The following RAB22A variants were observed in gnomAD, a reference collection of about 807,000 sequenced individuals.
RAB22A encodes ras-related protein Rab-22A.
A neutral mutation model predicts 30.2 loss-of-function variants in RAB22A; 13 were observed. The observed-to-expected ratio is 0.43, with a 90% CI of 0.28 to 0.68. The LOEUF is 0.68. Among genes scored for constraint, RAB22A ranks in the 30% least tolerant of loss-of-function variants. RAB22A has a pLI of 0.18. For missense variants in RAB22A, 177 were observed against 246.8 expected (o/e 0.72, Z 1.89); for synonymous variants, 89 against 87.2 (o/e 1.02, Z -0.11).
At chr20:58,332,559 A>C (rs973115831) in intron 2 of RAB22A, among the ~76,000 whole-genome samples, 2 of 152,218 alleles carry the variant, frequency 1.3e-5, no homozygotes, top group African/African-American at 4.8e-5. Flanking sequence ...ATAAGTAGAA[A>C]GTATCCAAAC....
Position 58,365,408 on chromosome 20 carries a change from G to A in RAB22A, c.*5705G>A, listed in dbSNP as rs1374484618. 1 of 152,182 alleles carries A rather than the reference G, an allele frequency of 6.6e-6. No homozygotes were observed. Among genetic ancestry groups the A allele is most frequent in the African/African-American group, 2.4e-5 (1 of 41,448 alleles). The allele number at this position is 152,182 out of a possible 1,614,324, so 9.4% of individuals were successfully genotyped here. A position where few individuals can be genotyped will look rare whatever the true frequency, so the allele number is the denominator to read the frequency against. ...TGGTGGTGCTTGACTTTGCTTTGGG[G>A]CTTAATCCTAGTATCATTTGGCCAT... On this transcript the variant is annotated 3_prime_UTR_variant, in exon 7 of 7. Transcript: ENST00000244040.
At chr20:58,337,232 G>A (rs1986772447) in intron 2 of RAB22A, among the ~76,000 whole-genome samples, 1 of 152,138 alleles carries the variant, frequency 6.6e-6, no homozygotes. Context: ...GTTCTGAGGG[G>A]AGAATTCATT....
chr20:58,309,862 C>G lies in RAB22A; in HGVS notation c.-115C>G. On this transcript the variant is annotated 5_prime_UTR_variant, in exon 1 of 7. Transcript: ENST00000244040. Reference sequence around the variant, plus strand: ...AGGACGGGCGGCAGCCGCCTCTGCGCGGACCGGGGCTGGGCCGTGCGGCGG... The same window carrying G: ...AGGACGGGCGGCAGCCGCCTCTGCGGGGACCGGGGCTGGGCCGTGCGGCGG... 9.3e-7 allele frequency: 1 copy of G among 1,072,368 alleles called. No homozygotes were observed. Among genetic ancestry groups the G allele is most frequent in the Non-Finnish European group, 1.2e-6 (1 of 832,718 alleles). The allele number at this position is 1,072,368 out of a possible 1,614,324, so 66.4% of individuals were successfully genotyped here.
At chr20:58,314,801 A>G (rs1178739940) in intron 2 of RAB22A, among the ~76,000 whole-genome samples, 1 of 152,062 alleles carries the variant, frequency 6.6e-6, no homozygotes, top group Non-Finnish European at 1.5e-5. Context: ...AGATCGCACC[A>G]CTGCACTCCA....
chr20:58,327,663 A>C (rs1986591301), intron 2 of RAB22A, among the ~76,000 whole-genome samples: 1 of 152,238 alleles, frequency 6.6e-6, no homozygotes, highest in Non-Finnish European at 1.5e-5. Flanking sequence ...TCAAGGGAGT[A>C]GGGAATAACC....
chr20:58,342,403 G>T lies in RAB22A; in HGVS notation c.117-1315G>T, dbSNP rs1986870402. 1.3e-5 allele frequency among the ~76,000 whole-genome samples: 2 copies of T among 152,070 alleles called. 1 individual carries two copies. The highest frequency in any genetic ancestry group is 1.3e-4 in the Admixed American group (2 of 15,262). On this transcript the variant is annotated intron_variant, in intron 2 of 6. Transcript: ENST00000244040. ...CATGGCATAAATTTATATAAATATT[G>T]CCAGGAATTCATTGTATCAGAGTTG...
At chr20:58,339,355 A>G (rs1294600080) in intron 2 of RAB22A, among the ~76,000 whole-genome samples, 1 of 152,246 alleles carries the variant, frequency 6.6e-6, no homozygotes, top group African/African-American at 2.4e-5. Flanking sequence ...AGGCTGGAAA[A>G]TAAAAATGTA....
In RAB22A at chr20:58,353,495, G is replaced by T. The variant is rs201056541; in HGVS notation, c.334G>T (p.Val112Leu). ...ELRQHGPPNI[V>L]VAIAGNKCDL... ...TCGACAGCATGGCCCACCTAATATT[G>T]TAGTTGCCATTGCAGGAAATAAATG... The change falls in exon 5 of 7, where the codon GTA becomes TTA. Residue 112 changes from valine (V) to leucine (L), a missense_variant. Coordinates refer to ENST00000244040, the MANE Select transcript of RAB22A (RefSeq NM_020673.3). The T allele has an allele frequency of 6.2e-7, 1 of 1,612,584 alleles. No individual in the cohort carries two copies. Among genetic ancestry groups the T allele is most frequent in the Non-Finnish European group, 8.5e-7 (1 of 1,178,700 alleles).
chr20:58,324,865 C>CAA (rs35375006), intron 2 of RAB22A, among the ~76,000 whole-genome samples: 15 of 29,604 alleles, frequency 5.1e-4, no homozygotes, highest in African/African-American at 9.5e-4. Context: ...GACTCCGTCT[C>CAA]AAAAAAAAAA....
intron 2 of RAB22A, among the ~76,000 whole-genome samples, chr20:58,313,835 A>G (rs1185739545): frequency 2.6e-5 from 4 of 152,050 alleles, no homozygotes; most frequent in Admixed American, 2.0e-4. Context: ...ACACCCAATT[A>G]TTTACTTACT....
At chr20:58,335,639 C>T (rs1277534288) in intron 2 of RAB22A, among the ~76,000 whole-genome samples, 2 of 152,194 alleles carry the variant, frequency 1.3e-5, no homozygotes, top group Admixed American at 1.3e-4. Context: ...TAAGATCAAA[C>T]TTCCAGGGAG....
chr20:58,318,774 A>G (rs1986394650), intron 2 of RAB22A, among the ~76,000 whole-genome samples: 1 of 152,006 alleles, frequency 6.6e-6, no homozygotes, highest in East Asian at 1.9e-4. Flanking sequence ...AAGTTCTCTC[A>G]TTGGGAGTCA....
intron 2 of RAB22A, among the ~76,000 whole-genome samples, chr20:58,326,443 G>A (rs1483097417): frequency 6.6e-6 from 1 of 152,100 alleles, no homozygotes; most frequent in Admixed American, 6.5e-5. Context: ...ATGAAATAAT[G>A]TTTTGCGGAT....
rs573206309 is a variant in RAB22A at position 58,359,743 on chromosome 20, G to A, written c.*40G>A. ...CTCAGACTTGATGATGAAGTAGGTG[G>A]TCCTGAAAGTTAACAGGAGGGCTGG... On this transcript the variant is annotated 3_prime_UTR_variant, in exon 7 of 7. Transcript: ENST00000244040. The A allele has an allele frequency of 1.3e-6, 2 of 1,537,650 alleles. No homozygotes were observed. The highest frequency in any genetic ancestry group is 4.5e-5 in the East Asian group (2 of 44,024).
chr20:58,338,273 G>A (rs185774627), intron 2 of RAB22A, among the ~76,000 whole-genome samples: 14 of 152,202 alleles, frequency 9.2e-5, no homozygotes, highest in African/African-American at 2.2e-4. Context: ...GTATCAGCCC[G>A]CCTCAGCCTC....
At chr20:58,335,755 TAAAG>T (rs760843613) in intron 2 of RAB22A, among the ~76,000 whole-genome samples, 1 of 152,310 alleles carries the variant, frequency 6.6e-6, no homozygotes, top group Middle Eastern at 3.4e-3. Flanking sequence ...TTTTAAAAAT[TAAAG>T]AATACAGTTA....
At chr20:58,315,039 G>A (rs1245211233) in intron 2 of RAB22A, among the ~76,000 whole-genome samples, 2 of 151,948 alleles carry the variant, frequency 1.3e-5, no homozygotes, top group Admixed American at 6.6e-5. Context: ...CAGGAGAGAC[G>A]GCAGGGTGGT....
chr20:58,326,193 T>G (rs1463558676), intron 2 of RAB22A, among the ~76,000 whole-genome samples: 1 of 152,194 alleles, frequency 6.6e-6, no homozygotes, highest in African/African-American at 2.4e-5. Context: ...AGGTCTCTTG[T>G]AAGCAGCTTA....
chr20:58,356,380 T>C (rs1987130145), intron 6 of RAB22A, among the ~76,000 whole-genome samples: 1 of 151,720 alleles, frequency 6.6e-6, no homozygotes, highest in East Asian at 1.9e-4. Context: ...AACTAGTATG[T>C]ACATATTCAA....
Sources: allele counts gnomAD v4.1 joint callset (sites outside exome capture counted in the v4.1 genomes callset), GRCh38; gene constraint gnomAD v4.1.1; transcripts MANE v1.5; gene names NCBI Gene and HGNC (gene_info 2026-07-23, HGNC 2026-07-21).